The following SOBP variants were observed in gnomAD, a reference collection of about 807,000 sequenced individuals.
SOBP encodes sine oculis-binding protein homolog.
In SOBP, 4 loss-of-function variants were observed where a neutral mutation model predicts 53.6. The observed-to-expected ratio is 0.07, with a 90% CI of 0.04 to 0.17. The LOEUF (loss-of-function observed/expected upper bound fraction) is 0.17, where lower values mean the gene tolerates loss of function less well. Among genes scored for constraint, SOBP ranks in the 10% least tolerant of loss-of-function variants. SOBP has a pLI of 1.00. For synonymous variants in SOBP, 584 were observed against 522.6 expected (o/e 1.12, Z -1.60); for missense variants, 1,088 against 1,204.7 (o/e 0.90, Z 1.43).
At chr6:107,612,709 A>G (rs1786644690) in intron 5 of SOBP, among the ~76,000 whole-genome samples, 1 of 151,974 alleles carries the variant, frequency 6.6e-6, no homozygotes, top group Non-Finnish European at 1.5e-5. Context: ...CTTTTTCATC[A>G]CCCCAAACAG....
At chr6:107,638,237 G>C (rs1771142556) in intron 6 of SOBP, among the ~76,000 whole-genome samples, 1 of 151,836 alleles carries the variant, frequency 6.6e-6, no homozygotes, top group African/African-American at 2.4e-5. Flanking sequence ...TTGAGACAGA[G>C]TCTCAATCTG....
intron 6 of SOBP, among the ~76,000 whole-genome samples, chr6:107,645,646 T>C (rs984248855): frequency 7.2e-5 from 11 of 152,184 alleles, no homozygotes; most frequent in African/African-American, 2.4e-4. Context: ...CACTCATTGT[T>C]GTAACCAAGT....
intron 6 of SOBP, among the ~76,000 whole-genome samples, chr6:107,656,066 C>G (rs1482371869): frequency 6.6e-6 from 1 of 152,084 alleles, no homozygotes; most frequent in Non-Finnish European, 1.5e-5. Context: ...TGGTTCCAGG[C>G]CCAGAGGTGG....
intron 4 of SOBP, among the ~76,000 whole-genome samples, chr6:107,545,506 G>A (rs955591093): frequency 2.0e-5 from 3 of 152,124 alleles, no homozygotes; most frequent in Non-Finnish European, 2.9e-5. Flanking sequence ...TTTCAGCCTC[G>A]CATGTAATTT....
chr6:107,503,915 T>A, intron 2 of SOBP, 120 bp downstream of exon 2: 2 of 1,197,858 alleles, frequency 1.7e-6, no homozygotes, highest in Non-Finnish European at 2.4e-6. Flanking sequence ...ATGGTTGATT[T>A]AAACATACAT....
chr6:107,491,937 A>G (rs2114929083), intron 1 of SOBP, among the ~76,000 whole-genome samples: 1 of 152,368 alleles, frequency 6.6e-6, no homozygotes, highest in East Asian at 1.9e-4. Flanking sequence ...GGACGCATGG[A>G]TATATATCAT....
At chr6:107,513,279 G>A (rs1783223073) in intron 3 of SOBP, among the ~76,000 whole-genome samples, 1 of 152,158 alleles carries the variant, frequency 6.6e-6, no homozygotes, top group African/African-American at 2.4e-5. Context: ...ATTATAGTCA[G>A]GGAAATATGA....
chr6:107,547,185 G>C (rs1303865955), intron 4 of SOBP, among the ~76,000 whole-genome samples: 1 of 152,134 alleles, frequency 6.6e-6, no homozygotes, highest in Non-Finnish European at 1.5e-5. Context: ...GACATCAGAT[G>C]CAATTCCATT....
chr6:107,550,962 A>C (rs892245951), intron 4 of SOBP, among the ~76,000 whole-genome samples: 13 of 152,224 alleles, frequency 8.5e-5, no homozygotes, highest in Non-Finnish European at 4.4e-5. Flanking sequence ...AAAGGAGGCA[A>C]AGAAGCAGAG....
At chr6:107,539,003 G>A (rs1267003507) in intron 4 of SOBP, among the ~76,000 whole-genome samples, 1 of 152,170 alleles carries the variant, frequency 6.6e-6, no homozygotes, top group South Asian at 2.1e-4. Context: ...CAAGGCAGAG[G>A]TTCTGCAGAC....
chr6:107,633,990 C>T lies in SOBP; in HGVS notation c.1146C>T (p.Ser382=), dbSNP rs1239075334. ...IGPPLGVPPR[S]PPMVMTNRGP... Reference sequence around the variant, plus strand: ...CTCCCCTTGGCGTCCCGCCTCGGAGCCCTCCCATGGTGATGACCAACCGCG... The same window carrying T: ...CTCCCCTTGGCGTCCCGCCTCGGAGTCCTCCCATGGTGATGACCAACCGCG... The change falls in exon 6 of 7, where the codon AGC becomes AGT. Residue 382 remains serine (S), a synonymous_variant. Transcript: ENST00000317357. 2 of 1,613,966 alleles carry T rather than the reference C, an allele frequency of 1.2e-6. No individual in the cohort carries two copies. Among genetic ancestry groups the T allele is most frequent in the African/African-American group, 1.3e-5 (1 of 75,072 alleles).
Position 107,503,898 on chromosome 6 carries a change from T to G in SOBP, c.235+103T>G, listed in dbSNP as rs1037366254. On this transcript the variant is annotated intron_variant, in intron 2 of 6. Transcript: ENST00000317357. ...GACTCAATTGAGTTGCTTTGTTGAT[T>G]ATGCCAATGGTTGATTTAAACATAC... 13 of 1,364,912 alleles carry G rather than the reference T, an allele frequency of 9.5e-6. No individual in the cohort carries two copies. The African/African-American group carries it at 1.1e-4, about 12-fold the overall frequency. 84.6% of individuals were successfully genotyped at this position (1,364,912 alleles called of 1,614,324 possible). A position where few individuals can be genotyped will look rare whatever the true frequency, so the allele number is the denominator to read the frequency against.
At chr6:107,643,846 C>T (rs751787495) in intron 6 of SOBP, among the ~76,000 whole-genome samples, 1 of 152,202 alleles carries the variant, frequency 6.6e-6, no homozygotes, top group Admixed American at 6.5e-5. Flanking sequence ...TCACATTCTT[C>T]TTGCTTTTCT....
In SOBP at chr6:107,633,984, T is replaced by G; in HGVS notation, c.1140T>G (p.Pro380=). The stretch of plus-strand genomic sequence containing the variant: ...TCGGGCCTCCCCTTGGCGTCCCGCC[T>G]CGGAGCCCTCCCATGGTGATGACCA... ...ASIGPPLGVP[P]RSPPMVMTNR... Residue 380 remains proline, a synonymous_variant, in exon 6 of 7, where the codon CCT becomes CCG. Transcript: ENST00000317357. 1 of 1,614,004 alleles carries G rather than the reference T, an allele frequency of 6.2e-7. No individual in the cohort carries two copies. The highest frequency in any genetic ancestry group is 8.5e-7 in the Non-Finnish European group (1 of 1,179,982).
chr6:107,522,865 C>G (rs1443152040), intron 3 of SOBP, among the ~76,000 whole-genome samples: 2 of 151,830 alleles, frequency 1.3e-5, no homozygotes, highest in Non-Finnish European at 2.9e-5. Context: ...TTTAGGAGGA[C>G]CTGGTGATTA....
At chr6:107,532,241 TCACACA>T (rs10525191) in intron 3 of SOBP, among the ~76,000 whole-genome samples, 2,426 of 139,700 alleles carry the variant, frequency 0.017, 43 homozygotes, top group African/African-American at 0.05. Context: ...TCTCTCTCTC[TCACACA>T]CACACACACA....
chr6:107,548,518 A>G (rs1784371812), intron 4 of SOBP, among the ~76,000 whole-genome samples: 1 of 152,158 alleles, frequency 6.6e-6, no homozygotes, highest in Non-Finnish European at 1.5e-5. Flanking sequence ...CTGGGATTAC[A>G]GGCGTGAGCC....
intron 4 of SOBP, among the ~76,000 whole-genome samples, chr6:107,538,641 C>T (rs547804753): frequency 6.6e-6 from 1 of 152,268 alleles, no homozygotes; most frequent in South Asian, 2.1e-4. Context: ...TACTATAAGC[C>T]TATTCACTGC....
intron 4 of SOBP, among the ~76,000 whole-genome samples, chr6:107,557,461 A>G (rs77758552): frequency 0.02 from 3,122 of 152,306 alleles, 100 homozygotes; most frequent in African/African-American, 0.072. Context: ...AGATATAGCC[A>G]TTTGGAAAGT....
Sources: gnomAD v4.1 joint callset for allele counts (sites outside exome capture counted in the v4.1 genomes callset) on GRCh38, gnomAD v4.1.1 for gene constraint, MANE v1.5 for transcripts, NCBI Gene and HGNC (gene_info 2026-07-23, HGNC 2026-07-21) for gene names.